The following INSR variants were observed in gnomAD, a reference collection of about 807,000 sequenced individuals.
INSR encodes IR.
A neutral mutation model predicts 142.6 loss-of-function variants in INSR; 67 were observed. That is an observed-to-expected ratio of 0.47 (90% CI 0.39 to 0.58). INSR has a LOEUF of 0.58. INSR is among the 20% of genes least tolerant of loss of function. The pLI, the probability that INSR is intolerant of heterozygous loss-of-function variation, is 0.00. For missense variants in INSR, 1,248 were observed against 1,833.2 expected (o/e 0.68, Z 5.83); for synonymous variants, 756 against 743.1 (o/e 1.02, Z -0.28).
At chr19:7,249,776 A>G (rs1300826489) in intron 2 of INSR, among the ~76,000 whole-genome samples, 12 of 152,132 alleles carry the variant, frequency 7.9e-5, no homozygotes, top group Admixed American at 7.2e-4. Flanking sequence ...GTGGATCACG[A>G]GGTCAGGAGA....
At chr19:7,252,712 C>G (rs1314281876) in intron 2 of INSR, among the ~76,000 whole-genome samples, 1 of 152,108 alleles carries the variant, frequency 6.6e-6, no homozygotes, top group African/African-American at 2.4e-5. Flanking sequence ...GGTAATAAAG[C>G]CTATTAAACA....
chr19:7,147,381 G>C (rs983986381), intron 11 of INSR, among the ~76,000 whole-genome samples: 8 of 152,030 alleles, frequency 5.3e-5, no homozygotes, highest in Non-Finnish European at 7.4e-5. Context: ...CACCATATTG[G>C]CCAGGCTGGT....
At chr19:7,226,170 G>A (rs990733011) in intron 2 of INSR, among the ~76,000 whole-genome samples, 2 of 152,180 alleles carry the variant, frequency 1.3e-5, no homozygotes, top group African/African-American at 4.8e-5. Context: ...CACTTTGGGA[G>A]GCCGAGGTGG....
chr19:7,166,031 C>T lies in INSR; in HGVS notation c.1861+123G>A. On this transcript the variant is annotated intron_variant, in intron 8 of 21. Transcript: ENST00000302850. This position sits in a 1 kb window ranked among gnomAD's most constrained non-coding sequence, Gnocchi z 4.1. ...CCTGGGTGACAAAGTAAGACCCTGT[C>T]TAAAAAAAAAAAAAAAGCCAATAAC... The T allele has an allele frequency of 9.7e-7, 1 of 1,029,554 alleles. No individual in the cohort carries two copies. The allele number at this position is 1,029,554 out of a possible 1,614,324, so 63.8% of individuals were successfully genotyped here.
At chr19:7,127,993 C>A in intron 15 of INSR, among the ~76,000 whole-genome samples, 1 of 152,020 alleles carries the variant, frequency 6.6e-6, no homozygotes, top group Non-Finnish European at 1.5e-5. Context: ...CCGCCCGCCT[C>A]GGCCTCCCAA....
chr19:7,174,774 G>T (rs1471829136), intron 3 of INSR, 43 bp from the exon 4 acceptor site: 11 of 1,593,072 alleles, frequency 6.9e-6, no homozygotes, highest in Non-Finnish European at 9.4e-6. Flanking sequence ...AAGGGGAGGG[G>T]GGTGTCACGG....
intron 14 of INSR, among the ~76,000 whole-genome samples, chr19:7,130,424 A>G (rs1003018449): frequency 4.6e-5 from 7 of 152,194 alleles, no homozygotes; most frequent in African/African-American, 1.4e-4. Flanking sequence ...CTGTGTCCCC[A>G]CCCAAAGCTC....
chr19:7,169,573 T>TC (rs1425863828), intron 6 of INSR, among the ~76,000 whole-genome samples: 3 of 83,448 alleles, frequency 3.6e-5, no homozygotes, highest in Admixed American at 2.7e-4. Flanking sequence ...CAAGACTCTG[T>TC]CCCAAAAAAA....
chr19:7,249,879 C>A (rs1419058181), intron 2 of INSR, among the ~76,000 whole-genome samples: 1 of 152,038 alleles, frequency 6.6e-6, no homozygotes, highest in African/African-American at 2.4e-5. Context: ...GTAGTCCCAG[C>A]TACTCAGGAG....
intron 1 of INSR, among the ~76,000 whole-genome samples, chr19:7,275,265 G>A (rs1968031771): frequency 6.6e-6 from 1 of 151,810 alleles, no homozygotes; most frequent in African/African-American, 2.4e-5. Context: ...GTGAGCCACT[G>A]CGCCCGGCCA....
chr19:7,237,677 A>G (rs1345659283), intron 2 of INSR, among the ~76,000 whole-genome samples: 4 of 150,276 alleles, frequency 2.7e-5, no homozygotes, highest in African/African-American at 9.8e-5. Context: ...TTAGCCAGGC[A>G]TGGTGGCGGG....
chr19:7,218,323 A>T (rs948868957), intron 2 of INSR, among the ~76,000 whole-genome samples: 17 of 151,972 alleles, frequency 1.1e-4, no homozygotes, highest in African/African-American at 1.7e-4. Flanking sequence ...CCAGCTCCAA[A>T]TGTCCTCAGT....
intron 9 of INSR, among the ~76,000 whole-genome samples, chr19:7,162,276 G>A (rs1164607682): frequency 6.9e-6 from 1 of 145,784 alleles, no homozygotes; most frequent in Non-Finnish European, 1.5e-5. Context: ...GCAATGAGCC[G>A]AGATCATGCC....
chr19:7,126,131 G>A (rs966214851), intron 16 of INSR, among the ~76,000 whole-genome samples: 1 of 152,218 alleles, frequency 6.6e-6, no homozygotes, highest in Admixed American at 6.5e-5. Flanking sequence ...GCCTGCTGGA[G>A]CCTAAGAGGC....
intron 1 of INSR, among the ~76,000 whole-genome samples, chr19:7,283,707 T>G (rs974898381): frequency 1.3e-5 from 2 of 152,326 alleles, no homozygotes; most frequent in Non-Finnish European, 2.9e-5. Flanking sequence ...CCCAAAGTGC[T>G]GGGATTACGG....
intron 2 of INSR, among the ~76,000 whole-genome samples, chr19:7,206,062 C>G (rs12459488): frequency 0.31 from 46,703 of 152,038 alleles, 7,213 homozygotes; most frequent in East Asian, 0.45. Context: ...ATCGAAGTAC[C>G]TTGGGCTGAC....
intron 2 of INSR, among the ~76,000 whole-genome samples, chr19:7,211,054 T>G (rs1975259717): frequency 6.6e-6 from 1 of 151,976 alleles, no homozygotes. Context: ...ATTGTCCCCT[T>G]GGGGCCTGCT....
rs1972441591 is a variant in INSR, at chr19:7,119,836, ACACC to A, written c.3660-257_3660-254del. On this transcript the variant is annotated intron_variant, in intron 20 of 21. Coordinates refer to ENST00000302850, the MANE Select transcript of INSR (RefSeq NM_000208.4). This position sits in a 1 kb window ranked among gnomAD's most constrained non-coding sequence, Gnocchi z 5.2. ...AACACATATACACACACAAACACAC[ACACC>A]CAAACACACACACGCACACACATGC... 3.0e-5 allele frequency among the ~76,000 whole-genome samples: 3 copies of A among 98,384 alleles called. No homozygotes were observed. The highest frequency in any genetic ancestry group is 1.1e-4 in the Admixed American group (1 of 9,182). The allele number at this position is 98,384 out of a possible 152,430, so 64.5% of individuals were successfully genotyped here. A position where few individuals can be genotyped will look rare whatever the true frequency, so the allele number is the denominator to read the frequency against.
At chr19:7,201,871 C>T (rs1015121356) in intron 2 of INSR, among the ~76,000 whole-genome samples, 4 of 152,002 alleles carry the variant, frequency 2.6e-5, no homozygotes, top group African/African-American at 4.8e-5. Flanking sequence ...CCGTGTTAAC[C>T]AGGATGGTTT....
Sources: allele counts gnomAD v4.1 joint callset (sites outside exome capture counted in the v4.1 genomes callset), GRCh38; gene constraint gnomAD v4.1.1; non-coding constraint Gnocchi (gnomAD v3.1); transcripts MANE v1.5; gene names NCBI Gene and HGNC (gene_info 2026-07-23, HGNC 2026-07-21).